DISC1: variants seen among roughly 807,000 people sequenced by gnomAD.
DISC1 encodes the protein disrupted in schizophrenia 1 protein.
Under a neutral mutation model 84.5 loss-of-function variants are expected in DISC1, and 57 were observed. The ratio of observed to expected loss-of-function variants is 0.67; its 90% CI spans 0.55 to 0.84. The LOEUF (loss-of-function observed/expected upper bound fraction) is 0.84, where lower values mean the gene tolerates loss of function less well. Ranked by LOEUF, DISC1 falls within the 40% of genes least tolerant of loss-of-function variation. DISC1 has a pLI of 0.00. For synonymous variants in DISC1, 411 were observed against 415.2 expected (o/e 0.99, Z 0.12); for missense variants, 1,000 against 1,057.8 (o/e 0.95, Z 0.76).
intron 9 of DISC1, among the ~76,000 whole-genome samples, chr1:231,892,201 G>A (rs371222798): frequency 1.5e-4 from 23 of 152,246 alleles, no homozygotes; most frequent in African/African-American, 4.8e-4. Context: ...GAGGACGTGG[G>A]TGTCAGGAAG....
rs139176323 is a variant in DISC1 at position 232,003,675 on chromosome 1, A to G, written c.2043-5110A>G. 6.1e-3 allele frequency among the ~76,000 whole-genome samples: 924 copies of G among 152,252 alleles called. 7 individuals carry two copies. The highest frequency in any genetic ancestry group is 9.7e-3 in the Non-Finnish European group (661 of 67,950). On this transcript the variant is annotated intron_variant, in intron 10 of 12. Coordinates refer to ENST00000439617, the MANE Select transcript of DISC1 (RefSeq NM_018662.3). ...ATATATGGAAAATTTACAAAAATCA[A>G]TGAAGTACTAGGTGATAGGAGAACC...
At chr1:231,746,296 G>A (rs539696892) in intron 3 of DISC1, among the ~76,000 whole-genome samples, 6 of 152,190 alleles carry the variant, frequency 3.9e-5, no homozygotes, top group African/African-American at 1.4e-4. Flanking sequence ...ATTCTTAATG[G>A]CTGAATAGTA....
intron 9 of DISC1, among the ~76,000 whole-genome samples, chr1:231,821,780 C>A (rs2081518255): frequency 6.8e-6 from 1 of 147,288 alleles, no homozygotes; most frequent in Non-Finnish European, 1.5e-5. Context: ...ATGGTGCGAT[C>A]TCTGCTCACT....
intron 9 of DISC1, among the ~76,000 whole-genome samples, chr1:231,917,577 A>G (rs972922125): frequency 1.3e-5 from 2 of 152,246 alleles, no homozygotes; most frequent in African/African-American, 2.4e-5. Flanking sequence ...CCAAGGCTAC[A>G]TAGAACGAGT....
intron 1 of DISC1, among the ~76,000 whole-genome samples, chr1:231,659,196 G>T (rs1350712112): frequency 6.6e-6 from 1 of 151,930 alleles, no homozygotes; most frequent in Admixed American, 6.6e-5. Context: ...ATTTCTTCCT[G>T]GTTCAGTCTT....
intron 9 of DISC1, among the ~76,000 whole-genome samples, chr1:231,878,684 G>C (rs536493852): frequency 1.3e-5 from 2 of 152,180 alleles, no homozygotes. Flanking sequence ...ACCCATAGGG[G>C]TGAGCTGGGT....
At chr1:231,747,313 C>A (rs750688342) in intron 3 of DISC1, among the ~76,000 whole-genome samples, 5 of 152,116 alleles carry the variant, frequency 3.3e-5, no homozygotes, top group Non-Finnish European at 5.9e-5. Context: ...GTTGTCTGTG[C>A]TTTTAAAATC....
chr1:231,713,281 A>G (rs370763651), intron 3 of DISC1, among the ~76,000 whole-genome samples: 9 of 152,280 alleles, frequency 5.9e-5, no homozygotes, highest in African/African-American at 1.7e-4. Context: ...GGCCCATTCA[A>G]AGAGGCAAAA....
chr1:231,992,018 A>G (rs4658972), intron 10 of DISC1, among the ~76,000 whole-genome samples: 7,618 of 152,142 alleles, frequency 0.05, 285 homozygotes, highest in East Asian at 0.2. Flanking sequence ...GCTGATTCCA[A>G]TTTTCTCCAT....
At chr1:231,929,343 C>G (rs200229892) in intron 9 of DISC1, among the ~76,000 whole-genome samples, 1 of 152,304 alleles carries the variant, frequency 6.6e-6, no homozygotes, top group East Asian at 1.9e-4. Flanking sequence ...TCACCTCCCC[C>G]ACTCCTGACA....
chr1:231,989,887 G>A (rs1664966657), intron 10 of DISC1, among the ~76,000 whole-genome samples: 2 of 152,206 alleles, frequency 1.3e-5, no homozygotes, highest in African/African-American at 2.4e-5. Flanking sequence ...ACCTAACGCT[G>A]TGCGACTGCA....
At chr1:231,907,983 G>A in intron 9 of DISC1, among the ~76,000 whole-genome samples, 1 of 152,228 alleles carries the variant, frequency 6.6e-6, no homozygotes, top group Non-Finnish European at 1.5e-5. Context: ...CTTTTGAGAA[G>A]TGTCTGTTCA....
intron 9 of DISC1, among the ~76,000 whole-genome samples, chr1:231,886,887 A>T (rs2086812131): frequency 8.5e-6 from 1 of 117,456 alleles, no homozygotes. Context: ...TTTGAAATGG[A>T]GTCTTGCTCT....
At chr1:231,834,870 A>G (rs12406165) in intron 9 of DISC1, among the ~76,000 whole-genome samples, 47,755 of 151,910 alleles carry the variant, frequency 0.31, 7,567 homozygotes, top group East Asian at 0.39. Flanking sequence ...AATCATGCAG[A>G]CATCCCCGTG....
At chr1:231,868,736 T>TATATATATA (rs2085246169) in intron 9 of DISC1, among the ~76,000 whole-genome samples, 4 of 108,304 alleles carry the variant, frequency 3.7e-5, no homozygotes, top group Non-Finnish European at 4.0e-5. Flanking sequence ...ATATATATAT[T>TATATATATA]TAGCTGGGCA....
chr1:231,659,554 T>C (rs2061410593), intron 1 of DISC1, among the ~76,000 whole-genome samples: 1 of 152,178 alleles, frequency 6.6e-6, no homozygotes, highest in Non-Finnish European at 1.5e-5. Context: ...TCTCTAGTTC[T>C]TTAGTTGAGA....
intron 8 of DISC1, among the ~76,000 whole-genome samples, chr1:231,805,330 A>G (rs563304043): frequency 2.6e-5 from 4 of 152,316 alleles, no homozygotes; most frequent in African/African-American, 9.6e-5. Flanking sequence ...AGGCTGGGTA[A>G]TTTATAAAGA....
intron 12 of DISC1, among the ~76,000 whole-genome samples, chr1:232,035,283 C>A: frequency 6.6e-6 from 1 of 152,136 alleles, no homozygotes; most frequent in East Asian, 1.9e-4. Flanking sequence ...AACCCCATTT[C>A]TACTAAAAAT....
intron 10 of DISC1, among the ~76,000 whole-genome samples, chr1:232,006,615 T>C (rs573793324): frequency 7.2e-5 from 11 of 152,220 alleles, no homozygotes; most frequent in African/African-American, 1.9e-4. Context: ...CATGAAGAGA[T>C]GATGTGTAAT....
Sources: allele counts gnomAD v4.1 joint callset (sites outside exome capture counted in the v4.1 genomes callset), GRCh38; gene constraint gnomAD v4.1.1; transcripts MANE v1.5; gene names NCBI Gene and HGNC (gene_info 2026-07-23, HGNC 2026-07-21).